Variants in ABL1 observed in about 807,000 individuals in gnomAD.
The protein encoded by ABL1 is tyrosine-protein kinase ABL1.
Under a neutral mutation model 94.7 loss-of-function variants are expected in ABL1, and 11 were observed. The ratio of observed to expected loss-of-function variants is 0.12; its 90% confidence interval spans 0.07 to 0.19. The LOEUF (loss-of-function observed/expected upper bound fraction) is 0.19. ABL1 is among the 10% of genes least tolerant of loss of function. The pLI is 1.00. For synonymous variants in ABL1, 656 were observed against 622.4 expected (o/e 1.05, Z -0.80); for missense variants, 1,082 against 1,489.4 (o/e 0.73, Z 4.50).
intron 1 of ABL1, among the ~76,000 whole-genome samples, chr9:130,730,130 G>A (rs1443624301): frequency 3.4e-5 from 5 of 146,344 alleles, no homozygotes; most frequent in African/African-American, 1.3e-4. Flanking sequence ...CGCTACCTCC[G>A]CCTCCTGGGT....
intron 2 of ABL1, 105 bp from the exon 3 acceptor site, chr9:130,854,696 G>T: frequency 8.6e-7 from 1 of 1,167,864 alleles, no homozygotes; most frequent in Non-Finnish European, 1.2e-6. Flanking sequence ...AATGAAATTG[G>T]TATTTAGGAA....
rs1831279810 is a variant in ABL1, at chr9:130,873,052, A to G, written c.1085+15A>G. 1.9e-6 allele frequency: 3 copies of G among 1,609,676 alleles called. No homozygotes were observed. The highest frequency in any genetic ancestry group is 1.1e-5 in the South Asian group (1 of 90,774). Reference sequence around the variant, plus strand: ...TTCATCCACAGGTAGGGGCCTGGCCAGGCAGCCTGCGCCATGGAGTCACAG... The same window carrying G: ...TTCATCCACAGGTAGGGGCCTGGCCGGGCAGCCTGCGCCATGGAGTCACAG... On this transcript the variant is annotated intron_variant, in intron 6 of 10. Transcript: ENST00000318560.
intron 7 of ABL1, among the ~76,000 whole-genome samples, chr9:130,877,613 A>G (rs1454747598): frequency 6.8e-6 from 1 of 146,014 alleles, no homozygotes; most frequent in Non-Finnish European, 1.5e-5. Context: ...GGGTAAGTTT[A>G]CTGAGTCTTG....
intron 1 of ABL1, among the ~76,000 whole-genome samples, chr9:130,807,766 C>T (rs1237179539): frequency 8.7e-5 from 12 of 138,412 alleles, no homozygotes; most frequent in East Asian, 2.1e-4. Context: ...GGTGCGATCT[C>T]GGCTCACCGC....
chr9:130,822,731 A>AT (rs374448215), intron 1 of ABL1, among the ~76,000 whole-genome samples: 18 of 148,850 alleles, frequency 1.2e-4, no homozygotes, highest in Admixed American at 3.3e-4. Context: ...TCTTTTGCCT[A>AT]TTTTTTTTTA....
Position 130,863,215 on chromosome 9 carries a change from C to T in ABL1, c.822+180C>T, listed in dbSNP as rs146168700. ...GTCTTTGTAGGAGTGGAATCATTCT[C>T]ATAGTCCGAGTGTGTTTCCACATAT... On this transcript the variant is annotated intron_variant, in intron 4 of 10. Transcript: ENST00000318560. This position sits in a 1 kb window ranked among gnomAD's most constrained non-coding sequence, Gnocchi z 4.3. Among the ~76,000 whole-genome samples, 94 of 152,304 alleles carry T rather than the reference C, an allele frequency of 6.2e-4. No individual in the cohort carries two copies. Among genetic ancestry groups the T allele is most frequent in the African/African-American group, 2.0e-3 (83 of 41,554 alleles).
At chr9:130,807,694 A>AT (rs1564295840) in intron 1 of ABL1, among the ~76,000 whole-genome samples, 1 of 63,976 alleles carries the variant, frequency 1.6e-5, no homozygotes, top group African/African-American at 6.9e-5. Context: ...ATATATATAT[A>AT]GTTTTTTTTT....
rs1024822041 is a variant in ABL1, at chr9:130,887,634, C to T, written c.*1951C>T. The T allele has an allele frequency of 2.2e-5, 5 of 228,720 alleles. No individual in the cohort carries two copies. The highest frequency in any genetic ancestry group is 6.7e-5 in the African/African-American group (3 of 44,960). The allele number at this position is 228,720 out of a possible 1,614,324, so 14.2% of individuals were successfully genotyped here. ...TGGTTTTTTTTGAATCCAAATCTGT[C>T]CTCTGTAGTATTTTTTAAATAAATC... On this transcript the variant is annotated 3_prime_UTR_variant, in exon 11 of 11. Transcript: ENST00000318560.
chr9:130,740,290 G>C (rs1163201167), intron 1 of ABL1, among the ~76,000 whole-genome samples: 2 of 152,246 alleles, frequency 1.3e-5, no homozygotes, highest in Non-Finnish European at 2.9e-5. Context: ...AGCACTGATG[G>C]ACCCTCAAGT....
At position 130,884,775 on chromosome 9, in the gene ABL1, G is replaced by C; in HGVS notation, c.2485G>C (p.Gly829Arg). The change falls in exon 11 of 11, where the codon GGC becomes CGC. Residue 829 changes from glycine to arginine, a missense_variant. Physicochemically the swap from Gly to Arg is moderately radical, Grantham distance 125. Around this residue, in one of 7 missense-constraint regions of ABL1, gnomAD observed 780 missense variants for 835.8 expected, o/e 0.93. Coordinates refer to ENST00000318560, the MANE Select transcript of ABL1 (RefSeq NM_005157.6). The surrounding 1 kb of genome is among the most constrained non-coding windows in gnomAD (Gnocchi z 5.6). ...RRQVTVAPAS[G>R]LPHKEEAGKG... ...GCAGGTCACCGTGGCCCCTGCCTCG[G>C]GCCTCCCCCACAAGGAAGAAGCTGG... 1 of 1,611,240 alleles carries C rather than the reference G, an allele frequency of 6.2e-7. No individual in the cohort carries two copies. Among genetic ancestry groups the C allele is most frequent in the Non-Finnish European group, 8.5e-7 (1 of 1,179,042 alleles).
At chr9:130,738,707 A>C (rs1831776775) in intron 1 of ABL1, among the ~76,000 whole-genome samples, 1 of 152,210 alleles carries the variant, frequency 6.6e-6, no homozygotes, top group Admixed American at 6.5e-5. Context: ...TGGACAAATC[A>C]TGGAAAATTG....
chr9:130,838,230 C>T (rs913846728), intron 1 of ABL1, among the ~76,000 whole-genome samples: 1 of 152,184 alleles, frequency 6.6e-6, no homozygotes, highest in East Asian at 1.9e-4. Context: ...CTCATGCTAT[C>T]TGGCTTGGGA....
In ABL1 at chr9:130,886,137, C is replaced by A. The variant is rs143982460; in HGVS notation, c.*454C>A. On this transcript the variant is annotated 3_prime_UTR_variant, in exon 11 of 11. Transcript: ENST00000318560. ...CTGAACTGAGGCCTTGTGTGTCAGG[C>A]CCTCTGCCTGCACTCCCTGGCCTTG... is the stretch of plus-strand genomic sequence containing the variant. 236 of 249,710 alleles carry A rather than the reference C, an allele frequency of 9.5e-4. 1 individual carries two copies. Among genetic ancestry groups the A allele is most frequent in the African/African-American group, 5.0e-3 (228 of 45,730 alleles). 15.5% of individuals were successfully genotyped at this position (249,710 alleles called of 1,614,324 possible).
chr9:130,838,768 T>C (rs1188249013), intron 1 of ABL1, among the ~76,000 whole-genome samples: 2 of 152,248 alleles, frequency 1.3e-5, no homozygotes, highest in African/African-American at 4.8e-5. Context: ...CAGGGTTTTC[T>C]TTTCATTTTA....
chr9:130,716,293 C>T (rs187525746), intron 1 of ABL1, among the ~76,000 whole-genome samples: 15 of 152,032 alleles, frequency 9.9e-5, no homozygotes, highest in Admixed American at 5.2e-4. Context: ...GACGGGGTTT[C>T]GCCATGTTGG....
At chr9:130,778,484 C>T (rs1829700543) in intron 1 of ABL1, among the ~76,000 whole-genome samples, 1 of 152,188 alleles carries the variant, frequency 6.6e-6, no homozygotes, top group African/African-American at 2.4e-5. Context: ...CCTTGGCTGG[C>T]TGCCGCTTCA....
At chr9:130,715,964 A>G (rs368064413) in intron 1 of ABL1, among the ~76,000 whole-genome samples, 3 of 151,692 alleles carry the variant, frequency 2.0e-5, no homozygotes, top group East Asian at 3.9e-4. Context: ...ACCTAACTAT[A>G]CTTGTAGTCA....
chr9:130,774,010 T>C (rs1449335509), intron 1 of ABL1, among the ~76,000 whole-genome samples: 2 of 152,220 alleles, frequency 1.3e-5, no homozygotes, highest in East Asian at 1.9e-4. Context: ...TTAGTTTTCA[T>C]TTATATAAAA....
intron 10 of ABL1, among the ~76,000 whole-genome samples, chr9:130,882,777 G>C (rs528577936): frequency 6.6e-6 from 1 of 152,020 alleles, no homozygotes; most frequent in East Asian, 1.9e-4. Flanking sequence ...CTCATGATCC[G>C]CCCACCTCAG....
Sources: allele counts gnomAD v4.1 joint callset (sites outside exome capture counted in the v4.1 genomes callset), GRCh38; gene constraint gnomAD v4.1.1; regional missense constraint gnomAD v4.1.1; non-coding constraint Gnocchi (gnomAD v3.1); transcripts MANE v1.5; gene names NCBI Gene and HGNC (gene_info 2026-07-23, HGNC 2026-07-21).